Variants in GALNT12 observed in about 807,000 individuals in gnomAD.
GALNT12 encodes UDP-GalNAc:polypeptide N-acetylgalactosaminyltransferase 12.
In GALNT12, 45 loss-of-function variants were observed where a neutral mutation model predicts 55.5. The observed-to-expected ratio is 0.81, with a 90% CI of 0.64 to 1.04. The LOEUF (loss-of-function observed/expected upper bound fraction) is 1.04, where lower values mean the gene tolerates loss of function less well. GALNT12 is among the 50% of genes least tolerant of loss of function. The probability of loss-of-function intolerance (pLI) is 0.00; values close to 1 mark genes in which losing one functional copy is unlikely to be tolerated. For synonymous variants in GALNT12, 304 were observed against 312.2 expected, an observed-to-expected ratio of 0.97 and a Z score of 0.28; for missense variants, 709 against 754.8, an observed-to-expected ratio of 0.94 and a Z score of 0.71.
In GALNT12 at chr9:98,849,943, C is replaced by T. The variant is rs1239523507; in HGVS notation, c.*851C>T. The T allele has an allele frequency of 4.0e-5, 9 of 226,088 alleles. No homozygotes were observed. Among genetic ancestry groups the T allele is most frequent in the Admixed American group, 1.1e-4 (2 of 17,434 alleles). 14.0% of individuals were successfully genotyped at this position (226,088 alleles called of 1,614,324 possible). A position where few individuals can be genotyped will look rare whatever the true frequency, so the allele number is the denominator to read the frequency against. On this transcript the variant is annotated 3_prime_UTR_variant, in exon 10 of 10. Coordinates refer to ENST00000375011, the MANE Select transcript of GALNT12 (RefSeq NM_024642.5). ...AATAACAGTTATTAATTTAAATCAG[C>T]GTTAGAGTTTGTGCTGCTGCAACTG...
intron 1 of GALNT12, among the ~76,000 whole-genome samples, chr9:98,822,506 C>G (rs781497421): frequency 1.3e-5 from 2 of 152,188 alleles, no homozygotes; most frequent in African/African-American, 4.8e-5. Flanking sequence ...GGGCTCAGCC[C>G]CACCCCACCA....
chr9:98,827,178 T>C (rs1835877173), intron 3 of GALNT12, among the ~76,000 whole-genome samples: 1 of 152,182 alleles, frequency 6.6e-6, no homozygotes, highest in Admixed American at 6.5e-5. Flanking sequence ...TGTTTGCTTT[T>C]ATTATTCCTT....
At chr9:98,843,865 A>C (rs571283856) in intron 7 of GALNT12, among the ~76,000 whole-genome samples, 12 of 152,230 alleles carry the variant, frequency 7.9e-5, no homozygotes, top group Non-Finnish European at 1.6e-4. Context: ...TGAAGAGTTT[A>C]TCTCTCTGGT....
In GALNT12 at chr9:98,835,247, A is replaced by G. The variant is rs778081163; in HGVS notation, c.918-2A>G. 2 of 1,599,242 alleles carry G rather than the reference A, an allele frequency of 1.3e-6. No individual in the cohort carries two copies. The highest frequency in any genetic ancestry group is 1.7e-6 in the Non-Finnish European group (2 of 1,166,284). On this transcript the variant is annotated splice_acceptor_variant, in intron 4 of 9. Coordinates refer to ENST00000375011, the MANE Select transcript of GALNT12 (RefSeq NM_024642.5). LOFTEE classifies it high-confidence loss of function. The stretch of plus-strand genomic sequence containing the variant: ...TGAAATAAGGATATCATACTTTTTT[A>G]GGTCTCCAACAATGGCTGGTGGGCT...
chr9:98,840,218 C>T lies in GALNT12; in HGVS notation c.1344+85C>T, dbSNP rs917952976. 1.9e-5 allele frequency: 29 copies of T among 1,552,130 alleles called. No homozygotes were observed. The Middle Eastern group carries it at 6.9e-4, about 37-fold the overall frequency. ...TGCAAATCCTGGGCAAGAAAGGCCACGTCATGGGGAGCACTGGCTTCCTCC... is the reference window on the plus strand; with the variant it reads ...TGCAAATCCTGGGCAAGAAAGGCCATGTCATGGGGAGCACTGGCTTCCTCC... On this transcript the variant is annotated intron_variant, in intron 7 of 9. Transcript: ENST00000375011.
intron 9 of GALNT12, chr9:98,847,213 G>T (rs1384300292): frequency 1.3e-5 from 2 of 152,178 alleles, no homozygotes; most frequent in African/African-American, 4.8e-5. Context: ...TCCCTGGGCA[G>T]CTTTCACTCC....
At position 98,840,070 on chromosome 9, in the gene GALNT12, G is replaced by C; in HGVS notation, c.1281G>C (p.Trp427Cys). ...AGCTCCAGTGTAAAGACTTCAAGTGGTTCTTGGAGACTGTGTATCCAGAAC... is the reference window on the plus strand; with the variant it reads ...AGCTCCAGTGTAAAGACTTCAAGTGCTTCTTGGAGACTGTGTATCCAGAAC... The part of the protein sequence containing the change: ...RDKLQCKDFK[W>C]FLETVYPELH... The change falls in exon 7 of 10, where the codon TGG becomes TGC. Residue 427 changes from tryptophan (W) to cysteine (C), a missense_variant. By Grantham distance (215) the Trp-to-Cys change is radical (BLOSUM62 -2). This residue lies in a region of GALNT12 where 262 missense variants were observed against 310.7 expected (regional missense o/e 0.84). Coordinates refer to ENST00000375011, the MANE Select transcript of GALNT12 (RefSeq NM_024642.5). 6.2e-7 allele frequency: 1 copy of C among 1,614,198 alleles called. No homozygotes were observed. The highest frequency in any genetic ancestry group is 2.2e-5 in the East Asian group (1 of 44,886).
intron 3 of GALNT12, among the ~76,000 whole-genome samples, 184 bp from the exon 4 acceptor site, chr9:98,831,588 C>T (rs112823777): frequency 2.2e-4 from 34 of 152,292 alleles, no homozygotes; most frequent in African/African-American, 7.5e-4. Flanking sequence ...AGATCTCCCC[C>T]ATGGTGGTCA....
At chr9:98,826,515 T>C (rs1683037815) in intron 2 of GALNT12, among the ~76,000 whole-genome samples, 1 of 152,108 alleles carries the variant, frequency 6.6e-6, no homozygotes, top group Admixed American at 6.6e-5. Flanking sequence ...GTGCATGTGT[T>C]TAGATGGGGA....
chr9:98,830,476 C>A (rs1835966591), intron 3 of GALNT12, among the ~76,000 whole-genome samples: 1 of 152,328 alleles, frequency 6.6e-6, no homozygotes, highest in African/African-American at 2.4e-5. Context: ...CCAGCCACGA[C>A]TGGGAGTCCT....
At chr9:98,844,257 A>T (rs752619201) in intron 8 of GALNT12, 48 bp downstream of exon 8, 5 of 1,282,258 alleles carry the variant, frequency 3.9e-6, no homozygotes, top group Non-Finnish European at 5.7e-6. Context: ...TTTGTTAAAA[A>T]AATTAAATAG....
At chr9:98,814,235 A>G (rs2118295820) in intron 1 of GALNT12, among the ~76,000 whole-genome samples, 1 of 152,280 alleles carries the variant, frequency 6.6e-6, no homozygotes, top group South Asian at 2.1e-4. Flanking sequence ...TGAGAATTGG[A>G]AAAGGTTGGC....
intron 1 of GALNT12, among the ~76,000 whole-genome samples, chr9:98,819,786 C>G (rs1158408653): frequency 1.3e-5 from 2 of 152,002 alleles, no homozygotes; most frequent in South Asian, 2.1e-4. Flanking sequence ...GATGGCCCAC[C>G]TGAGCCTCCT....
At position 98,826,901 on chromosome 9, in the gene GALNT12, T is replaced by C. The variant is rs751874783; in HGVS notation, c.691T>C (p.Cys231Arg). The change falls in exon 3 of 10, where the codon TGT becomes CGT. Residue 231 changes from cysteine (C) to arginine (R), a missense_variant. Physicochemically the swap from Cys to Arg is radical, Grantham distance 180 (BLOSUM62 -3). This residue lies in a region of GALNT12 where 315 missense variants were observed against 288.6 expected (regional missense o/e 1.09). Coordinates refer to ENST00000375011, the MANE Select transcript of GALNT12 (RefSeq NM_024642.5). ...TGTTCTGACCTTCCTGGACTGTCACTGTGAGTGCCACGAAGGGTGGCTGGA... is the reference window on the plus strand; with the variant it reads ...TGTTCTGACCTTCCTGGACTGTCACCGTGAGTGCCACGAAGGGTGGCTGGA... ...GDVLTFLDCH[C>R]ECHEGWLEPL... 43 of 1,581,786 alleles carry C rather than the reference T, an allele frequency of 2.7e-5. No homozygotes were observed. The highest frequency in any genetic ancestry group is 3.4e-5 in the Non-Finnish European group (40 of 1,163,956).
chr9:98,811,120 T>C (rs760151148), intron 1 of GALNT12, among the ~76,000 whole-genome samples: 2 of 152,150 alleles, frequency 1.3e-5, no homozygotes, highest in Non-Finnish European at 2.9e-5. Flanking sequence ...CTGAATCTGA[T>C]ATGCAACCAC....
At chr9:98,833,815 A>C (rs1474285938) in intron 4 of GALNT12, among the ~76,000 whole-genome samples, 1 of 152,132 alleles carries the variant, frequency 6.6e-6, no homozygotes, top group Non-Finnish European at 1.5e-5. Context: ...TCATGAATTC[A>C]TGGGGGTCCA....
intron 9 of GALNT12, 146 bp downstream of exon 9, chr9:98,846,269 T>C (rs1836412091): frequency 9.4e-7 from 1 of 1,059,474 alleles, no homozygotes. Flanking sequence ...ACCTGGAACC[T>C]CAGTCCCAGT....
In GALNT12 at chr9:98,831,929, C is replaced by T. The variant is rs149726976; in HGVS notation, c.889C>T (p.Arg297Trp). The T allele has an allele frequency of 3.4e-4, 542 of 1,613,962 alleles. 1 individual carries two copies. Among genetic ancestry groups the T allele is most frequent in the Admixed American group, 1.0e-3 (61 of 60,002 alleles). Residue 297 changes from arginine to tryptophan, a missense_variant, in exon 4 of 10, where the codon CGG becomes TGG. Transcript: ENST00000375011. ...CACAGTTCCTGAGAGGGAGAGGATA[C>T]GGATGCAATCCCCCGTCGATGTCAT... ...WHTVPERERI[R>W]MQSPVDVIRS...
At chr9:98,808,148 G>C (rs1835419715) in intron 1 of GALNT12, 79 bp downstream of exon 1, 1 of 1,173,948 alleles carries the variant, frequency 8.5e-7, no homozygotes, top group Admixed American at 2.0e-5. Context: ...GTGGCAGGGC[G>C]GGGAGCTGGG....
Sources: allele counts gnomAD v4.1 joint callset (sites outside exome capture counted in the v4.1 genomes callset), GRCh38; gene constraint gnomAD v4.1.1; regional missense constraint gnomAD v4.1.1; transcripts MANE v1.5; gene names NCBI Gene and HGNC (gene_info 2026-07-23, HGNC 2026-07-21).